Variants in MMD2 observed in about 807,000 individuals in gnomAD.
The protein encoded by MMD2 is monocyte to macrophage differentiation factor 2.
In MMD2, 30 loss-of-function variants were observed where a neutral mutation model predicts 33.5. The observed-to-expected ratio is 0.90, with a 90% CI of 0.67 to 1.22. The LOEUF (loss-of-function observed/expected upper bound fraction) is 1.22. Among genes scored for constraint, MMD2 ranks in the 50% most tolerant of loss-of-function variants. The pLI is 0.00. For missense variants in MMD2, 364 were observed against 325.4 expected, an observed-to-expected ratio of 1.12 and a Z score of -0.91; for synonymous variants, 129 against 123.0, an observed-to-expected ratio of 1.05 and a Z score of -0.32.
At chr7:4,915,862 G>C (rs1315524954) in intron 4 of MMD2, 143 bp downstream of exon 4, 3 of 630,654 alleles carry the variant, frequency 4.8e-6, no homozygotes, top group Non-Finnish European at 7.7e-6. Flanking sequence ...GCTGCTTCCA[G>C]GAAGGAAAAA....
chr7:4,893,083 A>G, the MMD2 span, among the ~76,000 whole-genome samples: 1 of 152,116 alleles, frequency 6.6e-6, no homozygotes, highest in African/African-American at 2.4e-5. Context: ...TCTTGCTGTA[A>G]GAGGAGTGGA....
Position 4,946,120 on chromosome 7 carries a change from C to T in MMD2, c.47+12851G>A, listed in dbSNP as rs931156261. On this transcript the variant is annotated intron_variant, in intron 1 of 6. Coordinates refer to ENST00000401401, the MANE Select transcript of MMD2 (RefSeq NM_198403.4). The surrounding 1 kb of genome is among the most constrained non-coding windows in gnomAD (Gnocchi z 5.0). ...ACACGCATGCACACGCGCACACGCA[C>T]GCACACACCTGCACACGCACGCACA... is the stretch of plus-strand genomic sequence containing the variant. Among the ~76,000 whole-genome samples, 11 of 151,296 alleles carry T rather than the reference C, an allele frequency of 7.3e-5. No individual in the cohort carries two copies. The highest frequency in any genetic ancestry group is 2.0e-4 in the Admixed American group (3 of 15,138).
chr7:4,952,274 G>T (rs1786266118), intron 1 of MMD2, among the ~76,000 whole-genome samples: 1 of 152,244 alleles, frequency 6.6e-6, no homozygotes, highest in African/African-American at 2.4e-5. Flanking sequence ...AAAAGGCCCG[G>T]GACTTGGGAC....
intron 2 of MMD2, among the ~76,000 whole-genome samples, chr7:4,921,620 C>CAAAAA (rs1209184282): frequency 1.5e-5 from 1 of 67,446 alleles, no homozygotes; most frequent in African/African-American, 4.6e-5. Flanking sequence ...GACTCTGTCT[C>CAAAAA]AAAAAAAAAA....
intron 4 of MMD2, 136 bp downstream of exon 4, chr7:4,915,869 A>T (rs757549096): frequency 2.3e-5 from 18 of 789,662 alleles, no homozygotes; most frequent in Non-Finnish European, 3.5e-5. Flanking sequence ...CCAGGAAGGA[A>T]AAAAGGGTGG....
At chr7:4,919,126 T>C (rs1488518051) in intron 3 of MMD2, among the ~76,000 whole-genome samples, 1 of 150,996 alleles carries the variant, frequency 6.6e-6, no homozygotes, top group East Asian at 2.0e-4. Context: ...AAAACTGTAA[T>C]ATCAGGGATT....
At chr7:4,927,952 G>A (rs1413837715) in intron 1 of MMD2, among the ~76,000 whole-genome samples, 1 of 152,162 alleles carries the variant, frequency 6.6e-6, no homozygotes, top group Admixed American at 6.6e-5. Flanking sequence ...ACGCAAGTCT[G>A]TGCTCGGGGA....
chr7:4,941,752 A>G (rs1785918432), intron 1 of MMD2, among the ~76,000 whole-genome samples: 1 of 151,682 alleles, frequency 6.6e-6, no homozygotes, highest in Non-Finnish European at 1.5e-5. Context: ...TTTGTTATGT[A>G]GGTAAATTGC....
At chr7:4,933,825 C>T (rs1032180376) in intron 1 of MMD2, among the ~76,000 whole-genome samples, 1 of 151,604 alleles carries the variant, frequency 6.6e-6, no homozygotes, top group South Asian at 2.1e-4. Flanking sequence ...TAGAGACAGG[C>T]TCTTGATATG....
chr7:4,901,043 G>C (rs1435236023), downstream of MMD2, among the ~76,000 whole-genome samples: 1 of 151,998 alleles, frequency 6.6e-6, no homozygotes, highest in Non-Finnish European at 1.5e-5. Flanking sequence ...GGGAGGCTGA[G>C]GCACAAGAAT....
intron 2 of MMD2, among the ~76,000 whole-genome samples, chr7:4,923,262 C>T (rs765194254): frequency 1.3e-5 from 2 of 152,076 alleles, no homozygotes; most frequent in Admixed American, 6.6e-5. Context: ...TACTACCACA[C>T]CTGGCTAATT....
intron 1 of MMD2, among the ~76,000 whole-genome samples, chr7:4,929,481 G>T (rs74302759): frequency 1.3e-5 from 2 of 151,746 alleles, no homozygotes; most frequent in Non-Finnish European, 2.9e-5. Flanking sequence ...GCTGCCTGTG[G>T]CCAAGACTGG....
At chr7:4,943,304 TG>T (rs1785962094) in intron 1 of MMD2, among the ~76,000 whole-genome samples, 1 of 151,602 alleles carries the variant, frequency 6.6e-6, no homozygotes, top group Non-Finnish European at 1.5e-5. Context: ...CCACCGCGCC[TG>T]GCCTTTTTTC....
intron 5 of MMD2, among the ~76,000 whole-genome samples, chr7:4,910,924 G>C (rs924833200): frequency 2.0e-5 from 3 of 152,202 alleles, no homozygotes. Context: ...ACAGATGTGA[G>C]CCACCATGCC....
In MMD2 at chr7:4,937,233, C is replaced by A. The variant is rs190918635; in HGVS notation, c.48-11701G>T. ...CCAACATGGCGAAACCCCATCTCTA[C>A]TAAAAATACAAAAATTAGCCAGGCA... is the stretch of plus-strand genomic sequence containing the variant. On this transcript the variant is annotated intron_variant, in intron 1 of 6. Coordinates refer to ENST00000401401, the MANE Select transcript of MMD2 (RefSeq NM_198403.4). Among the ~76,000 whole-genome samples the A allele has an allele frequency of 3.1e-3, 462 of 151,304 alleles. 3 individuals carry two copies. The highest frequency in any genetic ancestry group is 0.01 in the African/African-American group (430 of 41,342).
chr7:4,926,745 TC>T (rs1470218299), intron 1 of MMD2, among the ~76,000 whole-genome samples: 1 of 151,938 alleles, frequency 6.6e-6, no homozygotes. Context: ...TTTCTTTTTT[TC>T]TTTTTTCTTT....
intron 1 of MMD2, among the ~76,000 whole-genome samples, chr7:4,929,179 A>C (rs1308449124): frequency 6.6e-6 from 1 of 151,734 alleles, no homozygotes; most frequent in African/African-American, 2.4e-5. Context: ...TCCAGCTGGG[A>C]CTCCATGGTC....
chr7:4,932,572 T>A (rs1785618992), intron 1 of MMD2, among the ~76,000 whole-genome samples: 1 of 150,936 alleles, frequency 6.6e-6, no homozygotes. Flanking sequence ...CTGAAGCCTC[T>A]GCCCAGTGCC....
rs1238932418 is a variant in MMD2 at position 4,907,417 on chromosome 7, C to A, written c.720G>T (p.Leu240=). The A allele has an allele frequency of 6.2e-7, 1 of 1,613,888 alleles. No homozygotes were observed. Among genetic ancestry groups the A allele is most frequent in the South Asian group, 1.1e-5 (1 of 91,070 alleles). The change falls in exon 7 of 7, where the codon CTG becomes CTT. Residue 240 remains leucine (L), a synonymous_variant. Coordinates refer to ENST00000401401, the MANE Select transcript of MMD2 (RefSeq NM_198403.4). ...CACCTCATTTGGACACCTTGGTCTGCAGGGTGCTGGGCAGATAGAGGTACC... is the reference window on the plus strand; with the variant it reads ...CACCTCATTTGGACACCTTGGTCTGAAGGGTGCTGGGCAGATAGAGGTACC... The part of the protein sequence containing the change: ...IWRYLYLPST[L]QTKVSK
Sources: gnomAD v4.1 joint callset for allele counts (sites outside exome capture counted in the v4.1 genomes callset) on GRCh38, gnomAD v4.1.1 for gene constraint, Gnocchi (gnomAD v3.1) non-coding constraint, MANE v1.5 for transcripts, NCBI Gene and HGNC (gene_info 2026-07-23, HGNC 2026-07-21) for gene names.